The following TAS2R1 variants were observed in gnomAD, a reference collection of about 807,000 sequenced individuals.
TAS2R1 encodes the protein taste receptor type 2 member 1.
For synonymous variants in TAS2R1, 141 were observed against 134.2 expected, an observed-to-expected ratio of 1.05 and a Z score of -0.35; for missense variants, 370 against 353.4, an observed-to-expected ratio of 1.05 and a Z score of -0.38.
the TAS2R1 span, among the ~76,000 whole-genome samples, chr5:9,846,291 T>C: frequency 1.3e-5 from 2 of 152,202 alleles, no homozygotes; most frequent in Non-Finnish European, 2.9e-5. Context: ...TTTCCACCCA[T>C]AGGGACTATG....
the TAS2R1 span, among the ~76,000 whole-genome samples, chr5:9,804,604 T>C: frequency 6.6e-6 from 1 of 152,084 alleles, no homozygotes; most frequent in Non-Finnish European, 1.5e-5. Flanking sequence ...CTCGAAACCA[T>C]GCAAATACAT....
intron 2 of TAS2R1, among the ~76,000 whole-genome samples, chr5:9,639,752 G>A (rs992805711): frequency 8.5e-5 from 13 of 152,258 alleles, no homozygotes; most frequent in East Asian, 1.9e-4. Flanking sequence ...TTCCTTAAAC[G>A]TCATGATCTA....
chr5:9,768,565 C>T, the TAS2R1 span, among the ~76,000 whole-genome samples: 74 of 152,148 alleles, frequency 4.9e-4, no homozygotes, highest in Admixed American at 7.2e-4. Context: ...CATCTTTCCT[C>T]CTCCTTCGCC....
chr5:9,876,894 G>A, the TAS2R1 span, among the ~76,000 whole-genome samples: 35 of 152,314 alleles, frequency 2.3e-4, no homozygotes, highest in African/African-American at 8.2e-4. Context: ...GAGCACTCAC[G>A]TGTTCGATTC....
At chr5:9,868,317 T>G in the TAS2R1 span, among the ~76,000 whole-genome samples, 3 of 152,236 alleles carry the variant, frequency 2.0e-5, no homozygotes, top group Admixed American at 2.0e-4. Context: ...TCCAGACATT[T>G]CCATACATCC....
chr5:9,722,114 G>C, the TAS2R1 span, among the ~76,000 whole-genome samples: 1 of 152,172 alleles, frequency 6.6e-6, no homozygotes, highest in Non-Finnish European at 1.5e-5. Context: ...AAGGGTAAAG[G>C]AACTGATGAT....
chr5:9,753,572 T>C, the TAS2R1 span, among the ~76,000 whole-genome samples: 85 of 152,298 alleles, frequency 5.6e-4, no homozygotes, highest in African/African-American at 2.0e-3. Flanking sequence ...TTTGTCAATT[T>C]TGGCTTTTGT....
intron 2 of TAS2R1, among the ~76,000 whole-genome samples, chr5:9,651,542 A>C (rs1487858174): frequency 2.0e-5 from 3 of 152,218 alleles, no homozygotes; most frequent in Non-Finnish European, 2.9e-5. Flanking sequence ...GATTTTTTTC[A>C]TGTTAATATA....
At chr5:9,881,298 T>C in the TAS2R1 span, among the ~76,000 whole-genome samples, 6 of 151,848 alleles carry the variant, frequency 4.0e-5, no homozygotes, top group Admixed American at 6.6e-5. Flanking sequence ...GGAATACAGC[T>C]AACAAGGGAA....
chr5:9,656,931 T>C (rs1458129678), intron 2 of TAS2R1, among the ~76,000 whole-genome samples: 1 of 152,176 alleles, frequency 6.6e-6, no homozygotes, highest in African/African-American at 2.4e-5. Flanking sequence ...TTAAGAGTGA[T>C]TGAATAAATT....
Position 9,629,706 on chromosome 5 carries a change from G to A in TAS2R1, c.327C>T (p.Ser109=), listed in dbSNP as rs369526627. 13 of 1,614,074 alleles carry A rather than the reference G, an allele frequency of 8.1e-6. No individual in the cohort carries two copies. The highest frequency in any genetic ancestry group is 1.6e-4 in the Middle Eastern group (1 of 6,062). Reference sequence around the variant, plus strand: ...ACCAGATGAAGAGTGGGTGACGGACGCTGGCAACCTTGGCACAATAGAAAA... The same window carrying A: ...ACCAGATGAAGAGTGGGTGACGGACACTGGCAACCTTGGCACAATAGAAAA... ...LGVFYCAKVA[S]VRHPLFIWLK... is the part of the protein sequence containing the mutation. Residue 109 remains serine (S), a synonymous_variant, in exon 1 of 1, where the codon AGC becomes AGT. Transcript: ENST00000382492.
intron 1 of TAS2R1, among the ~76,000 whole-genome samples, chr5:9,679,294 C>T (rs143003989): frequency 7.2e-5 from 11 of 152,260 alleles, no homozygotes; most frequent in African/African-American, 1.2e-4. Context: ...CATGACATTA[C>T]GCATTTCTAA....
At chr5:9,770,190 T>C in the TAS2R1 span, among the ~76,000 whole-genome samples, 1 of 152,210 alleles carries the variant, frequency 6.6e-6, no homozygotes, top group Non-Finnish European at 1.5e-5. Flanking sequence ...TGTATGTTCT[T>C]GGCACCTTTG....
intron 1 of TAS2R1, among the ~76,000 whole-genome samples, chr5:9,702,321 G>A (rs1466252097): frequency 1.3e-5 from 2 of 152,150 alleles, no homozygotes; most frequent in Non-Finnish European, 2.9e-5. Flanking sequence ...CCCGCCCTCA[G>A]GACATTTGTG....
At chr5:9,683,472 T>G (rs1486645789) in intron 1 of TAS2R1, among the ~76,000 whole-genome samples, 1 of 152,188 alleles carries the variant, frequency 6.6e-6, no homozygotes, top group Non-Finnish European at 1.5e-5. Flanking sequence ...TCGAGGCCAG[T>G]GGCTTTACCC....
the TAS2R1 span, among the ~76,000 whole-genome samples, chr5:9,733,922 A>G: frequency 6.6e-6 from 1 of 152,228 alleles, no homozygotes; most frequent in Non-Finnish European, 1.5e-5. Flanking sequence ...ATTTCCCAAT[A>G]TAACTATTTC....
chr5:9,817,893 G>C, the TAS2R1 span, among the ~76,000 whole-genome samples: 2 of 151,844 alleles, frequency 1.3e-5, no homozygotes, highest in Non-Finnish European at 2.9e-5. Context: ...GAGGGGGAGG[G>C]GGAGGGGAAG....
chr5:9,652,557 G>T (rs1740328702), intron 2 of TAS2R1, among the ~76,000 whole-genome samples: 1 of 152,260 alleles, frequency 6.6e-6, no homozygotes, highest in South Asian at 2.1e-4. Context: ...ATGGGATGGA[G>T]ATTTACCATG....
intron 2 of TAS2R1, among the ~76,000 whole-genome samples, chr5:9,656,059 A>G (rs1740411788): frequency 6.6e-6 from 1 of 152,044 alleles, no homozygotes; most frequent in African/African-American, 2.4e-5. Context: ...AGCACTTATC[A>G]CACTGCACTT....
Sources: allele counts gnomAD v4.1 joint callset (sites outside exome capture counted in the v4.1 genomes callset), GRCh38; gene constraint gnomAD v4.1.1; transcripts MANE v1.5; gene names NCBI Gene and HGNC (gene_info 2026-07-23, HGNC 2026-07-21).